Variants in LARP1 observed in about 807,000 individuals in gnomAD.
The protein encoded by LARP1 is la-related protein 1.
A neutral mutation model predicts 122.7 loss-of-function variants in LARP1; 36 were observed. The ratio of observed to expected loss-of-function variants is 0.29; its 90% confidence interval spans 0.22 to 0.39. The LOEUF is 0.39. LARP1 is among the 10% of genes least tolerant of loss of function. The probability of loss-of-function intolerance (pLI) is 1.00; values close to 1 mark genes in which losing one functional copy is unlikely to be tolerated. For missense variants in LARP1, 1,040 were observed against 1,403.6 expected, an observed-to-expected ratio of 0.74 and a Z score of 4.14; for synonymous variants, 539 against 528.7, an observed-to-expected ratio of 1.02 and a Z score of -0.27.
At position 154,815,037 on chromosome 5, in the gene LARP1, AT is replaced by A. The variant is rs1759574799; in HGVS notation, c.*942del. ...CCTTATTGTGGAGCGGGAATCTGAA[AT>A]ACCCAAATGCCTGTTTTCCTCGGTG... is the stretch of plus-strand genomic sequence containing the variant. On this transcript the variant is annotated 3_prime_UTR_variant, in exon 19 of 19. Transcript: ENST00000518297. The A allele has an allele frequency of 6.6e-6, 1 of 152,504 alleles. No homozygotes were observed. Among genetic ancestry groups the A allele is most frequent in the African/African-American group, 2.4e-5 (1 of 41,416 alleles). 9.4% of individuals were successfully genotyped at this position (152,504 alleles called of 1,614,324 possible).
chr5:154,796,658 A>C (rs886796354), intron 8 of LARP1, among the ~76,000 whole-genome samples: 1 of 152,200 alleles, frequency 6.6e-6, no homozygotes, highest in Non-Finnish European at 1.5e-5. Flanking sequence ...CTCTTGTGCT[A>C]TAAGCTGCCA....
chr5:154,811,233 C>G lies in LARP1; in HGVS notation c.2844-14C>G. The G allele has an allele frequency of 6.2e-7, 1 of 1,603,604 alleles. No individual in the cohort carries two copies. Among genetic ancestry groups the G allele is most frequent in the Non-Finnish European group, 8.5e-7 (1 of 1,170,608 alleles). ...GAAGAAACTGCCCTGATTTCACTGA[C>G]TTGTGTTCTACAGATATGGTTTGGA... On this transcript the variant is annotated splice_polypyrimidine_tract_variant and intron_variant, in intron 16 of 18. Transcript: ENST00000518297.
At position 154,803,638 on chromosome 5, in the gene LARP1, C is replaced by A. The variant is rs769237181; in HGVS notation, c.2332C>A (p.Arg778Ser). Reference sequence around the variant, plus strand: ...CACTGTCCCAGAGTCACCAAACTACCGCAACACCAGGACCCCTCGCACTCC... The same window carrying A: ...CACTGTCCCAGAGTCACCAAACTACAGCAACACCAGGACCCCTCGCACTCC... Reference protein sequence around the residue: ...PTTVPESPNYRNTRTPRTPRT... With the variant: ...PTTVPESPNYSNTRTPRTPRT... Residue 778 changes from arginine (R) to serine (S), a missense_variant, in exon 13 of 19, where the codon CGC becomes AGC. By Grantham distance (110) the Arg-to-Ser change is moderately radical (BLOSUM62 -1). Around this residue, in one of 8 missense-constraint regions of LARP1, gnomAD observed 362 missense variants for 533.1 expected, o/e 0.68. Transcript: ENST00000518297. The surrounding 1 kb of genome is among the most constrained non-coding windows in gnomAD (Gnocchi z 4.4). 6.2e-7 allele frequency: 1 copy of A among 1,614,106 alleles called. No homozygotes were observed. The highest frequency in any genetic ancestry group is 8.5e-7 in the Non-Finnish European group (1 of 1,180,016).
At chr5:154,730,949 C>G (rs530545776) in intron 1 of LARP1, among the ~76,000 whole-genome samples, 3 of 148,182 alleles carry the variant, frequency 2.0e-5, no homozygotes, top group Non-Finnish European at 4.4e-5. Context: ...CTTACTGCAA[C>G]CTCCACCTCC....
In LARP1 at chr5:154,814,380, T is replaced by C. The variant is rs1445787560; in HGVS notation, c.*284T>C. On this transcript the variant is annotated 3_prime_UTR_variant, in exon 19 of 19. Transcript: ENST00000518297. ...GGAGATTTTTATATATATATACATATATATATATCAAGTTTTAAATTATTG... is the reference window on the plus strand; with the variant it reads ...GGAGATTTTTATATATATATACATACATATATATCAAGTTTTAAATTATTG... 1.8e-5 allele frequency: 3 copies of C among 164,710 alleles called. No homozygotes were observed. The East Asian group carries it at 4.8e-4, about 26-fold the overall frequency. 10.2% of individuals were successfully genotyped at this position (164,710 alleles called of 1,614,324 possible). A position where few individuals can be genotyped will look rare whatever the true frequency, so the allele number is the denominator to read the frequency against.
chr5:154,814,189 GGGACAGGCCTGGAGTTACTA>G lies in LARP1; in HGVS notation c.*104_*123del, dbSNP rs1263720343. 28 of 1,276,054 alleles carry G rather than the reference GGGACAGGCCTGGAGTTACTA, an allele frequency of 2.2e-5. No individual in the cohort carries two copies. The highest frequency in any genetic ancestry group is 6.0e-5 in the Admixed American group (3 of 50,074). The allele number at this position is 1,276,054 out of a possible 1,614,324, so 79.0% of individuals were successfully genotyped here. A position where few individuals can be genotyped will look rare whatever the true frequency, so the allele number is the denominator to read the frequency against. On this transcript the variant is annotated 3_prime_UTR_variant, in exon 19 of 19. Coordinates refer to ENST00000518297, the MANE Select transcript of LARP1 (RefSeq NM_033551.3). ...CAGTCCCAGGAAAGGGGACAATGAA[GGGACAGGCCTGGAGTTACTA>G]GGACAGGCCTTTGTGCTGAGTAGCA...
rs762832888 is a variant in LARP1 at position 154,802,435 on chromosome 5, G to T, written c.2109+36G>T. 2.6e-6 allele frequency: 4 copies of T among 1,552,308 alleles called. No homozygotes were observed. The highest frequency in any genetic ancestry group is 3.8e-5 in the Admixed American group (2 of 53,150). The stretch of plus-strand genomic sequence containing the variant: ...GACATAGCAGTGAGTGTGGAGCCTG[G>T]TGTGCCTGTATTGTACGGAGAAGAG... On this transcript the variant is annotated intron_variant, in intron 11 of 18. Transcript: ENST00000518297. The surrounding 1 kb of genome is among the most constrained non-coding windows in gnomAD (Gnocchi z 5.1).
In LARP1 at chr5:154,772,322, A is replaced by G. The variant is rs377168175; in HGVS notation, c.436+16129A>G. Among the ~76,000 whole-genome samples the G allele has an allele frequency of 2.0e-3, 312 of 152,356 alleles. 1 individual carries two copies. Among genetic ancestry groups the G allele is most frequent in the African/African-American group, 7.2e-3 (300 of 41,590 alleles). On this transcript the variant is annotated intron_variant, in intron 1 of 18. Transcript: ENST00000518297. ...TTCACACTTCTTGATTTGGGCTAGG[A>G]ACATTTCAAGTGCTCAGTATCCACA...
At chr5:154,711,066 G>A (rs1428921235), upstream of LARP1, among the ~76,000 whole-genome samples, 1 of 151,702 alleles carries the variant, frequency 6.6e-6, no homozygotes, top group Non-Finnish European at 1.5e-5. Flanking sequence ...CAGTGTGGCC[G>A]TTTGCATTAC....
upstream of LARP1, among the ~76,000 whole-genome samples, chr5:154,711,064 CCGTTTG>C (rs1487421881): frequency 4.6e-5 from 7 of 151,894 alleles, no homozygotes; most frequent in East Asian, 1.4e-3. Context: ...GACAGTGTGG[CCGTTTG>C]CATTACTGCT....
At chr5:154,704,647 CAA>C (rs75268894) in intron 1 of LARP1, among the ~76,000 whole-genome samples, 11 of 52,822 alleles carry the variant, frequency 2.1e-4, no homozygotes, top group Non-Finnish European at 3.1e-4. Context: ...AACCCTGTCT[CAA>C]AAAAAAAAAA....
At chr5:154,793,456 G>GT in intron 4 of LARP1, 139 bp from the exon 5 acceptor site, 1 of 1,024,486 alleles carries the variant, frequency 9.8e-7, no homozygotes, top group South Asian at 1.5e-5. Context: ...GAGGGCTAAT[G>GT]TGTGGGAAAG....
intron 1 of LARP1, among the ~76,000 whole-genome samples, chr5:154,774,329 T>G (rs542816113): frequency 6.6e-6 from 1 of 152,278 alleles, no homozygotes; most frequent in East Asian, 1.9e-4. Flanking sequence ...CCATGCTTGT[T>G]TGCACTGCAG....
intron 8 of LARP1, among the ~76,000 whole-genome samples, chr5:154,797,221 G>GGTTTTTTTTTTT (rs1757940079): frequency 3.7e-4 from 11 of 29,748 alleles, no homozygotes; most frequent in African/African-American, 1.2e-3. Flanking sequence ...TGTTGTTGTT[G>GGTTTTTTTTTTT]TTTTTTTTTT....
In LARP1 at chr5:154,756,647, C is replaced by T. The variant is rs117363855; in HGVS notation, c.436+454C>T. On this transcript the variant is annotated intron_variant, in intron 1 of 18. Transcript: ENST00000518297. ...GTAAATGTTTAATGAGCATATGTCA[C>T]GGGCAACCCAGTGCCCGGCGCGGAG... 5.6e-4 allele frequency: 188 copies of T among 333,000 alleles called. 2 individuals are homozygous for T. The East Asian group carries it at 0.023, about 41-fold the overall frequency. 20.6% of individuals were successfully genotyped at this position (333,000 alleles called of 1,614,324 possible). A position where few individuals can be genotyped will look rare whatever the true frequency, so the allele number is the denominator to read the frequency against.
chr5:154,787,110 C>T (rs1756951007), intron 1 of LARP1, among the ~76,000 whole-genome samples: 1 of 152,100 alleles, frequency 6.6e-6, no homozygotes, highest in South Asian at 2.1e-4. Context: ...AACTCCGAAC[C>T]TCAGGTGATC....
At chr5:154,796,185 A>T (rs922896345) in intron 8 of LARP1, among the ~76,000 whole-genome samples, 1 of 130,644 alleles carries the variant, frequency 7.7e-6, no homozygotes, top group Non-Finnish European at 1.6e-5. Flanking sequence ...TTATATATAT[A>T]TTTTATATAT....
rs374530881 is a variant in LARP1 at position 154,802,002 on chromosome 5, T to C, written c.1717-5T>C. Reference sequence around the variant, plus strand: ...TCCTTTTCCCCTTCGTCTGTCCTATTTTAGAAGTCAGAGGAGTCCAGATTT... The same window carrying C: ...TCCTTTTCCCCTTCGTCTGTCCTATCTTAGAAGTCAGAGGAGTCCAGATTT... On this transcript the variant is annotated splice_polypyrimidine_tract_variant and splice_region_variant and intron_variant, in intron 10 of 18. Coordinates refer to ENST00000518297, the MANE Select transcript of LARP1 (RefSeq NM_033551.3). The surrounding 1 kb of genome is among the most constrained non-coding windows in gnomAD (Gnocchi z 5.1). The C allele has an allele frequency of 1.9e-6, 3 of 1,604,796 alleles. No individual in the cohort carries two copies. In the African/African-American group the frequency reaches 4.0e-5, roughly 22 times the overall value.
At chr5:154,813,306 A>G (rs1440642619) in intron 18 of LARP1, among the ~76,000 whole-genome samples, 1 of 152,174 alleles carries the variant, frequency 6.6e-6, no homozygotes, top group Non-Finnish European at 1.5e-5. Flanking sequence ...TTGGTTCCCA[A>G]AATGGGAAGG....
Sources: allele counts gnomAD v4.1 joint callset (sites outside exome capture counted in the v4.1 genomes callset), GRCh38; gene constraint gnomAD v4.1.1; regional missense constraint gnomAD v4.1.1; non-coding constraint Gnocchi (gnomAD v3.1); transcripts MANE v1.5; gene names NCBI Gene and HGNC (gene_info 2026-07-23, HGNC 2026-07-21).